ANKS1A: variants seen among roughly 807,000 people sequenced by gnomAD.
The protein encoded by ANKS1A is ankyrin repeat and SAM domain-containing protein 1A.
A neutral mutation model predicts 120.3 loss-of-function variants in ANKS1A; 55 were observed. The observed-to-expected ratio is 0.46, with a 90% CI of 0.37 to 0.57. The LOEUF is 0.57. ANKS1A is among the 20% of genes least tolerant of loss of function. The pLI, the probability that ANKS1A is intolerant of heterozygous loss-of-function variation, is 0.00. For missense variants in ANKS1A, 1,123 were observed against 1,480.3 expected, an observed-to-expected ratio of 0.76 and a Z score of 3.96; for synonymous variants, 590 against 604.7, an observed-to-expected ratio of 0.98 and a Z score of 0.36.
At chr6:35,087,882 T>C (rs1778079411) in intron 23 of ANKS1A, among the ~76,000 whole-genome samples, 1 of 152,214 alleles carries the variant, frequency 6.6e-6, no homozygotes, top group South Asian at 2.1e-4. Flanking sequence ...AGCCCCTCTA[T>C]CTTCGCCATG....
At chr6:34,983,993 A>C (rs886728481) in intron 7 of ANKS1A, among the ~76,000 whole-genome samples, 1 of 151,978 alleles carries the variant, frequency 6.6e-6, no homozygotes, top group African/African-American at 2.4e-5. Flanking sequence ...ACAGGGTTTC[A>C]CCATGTTGGC....
At chr6:34,918,823 A>C (rs752445772) in intron 1 of ANKS1A, among the ~76,000 whole-genome samples, 6 of 152,056 alleles carry the variant, frequency 3.9e-5, no homozygotes, top group Non-Finnish European at 8.8e-5. Context: ...TTACTGTTAC[A>C]TTTTGAGCTT....
chr6:34,944,823 C>A (rs1322236971), intron 1 of ANKS1A, among the ~76,000 whole-genome samples: 7 of 152,114 alleles, frequency 4.6e-5, no homozygotes, highest in African/African-American at 7.2e-5. Context: ...GGATATATAT[C>A]CTTTATCAGA....
chr6:35,027,570 G>A lies in ANKS1A; in HGVS notation c.2010+9511G>A, dbSNP rs114261658. Among the ~76,000 whole-genome samples the A allele has an allele frequency of 7.5e-3, 1,147 of 152,248 alleles. 8 individuals carry two copies. The highest frequency in any genetic ancestry group is 0.02 in the African/African-American group (841 of 41,528). ...GTGGCAGCCAGATGGTGGGGGATAG[G>A]CTTTTTATTATGTAAGACTCTGAGA... On this transcript the variant is annotated intron_variant, in intron 11 of 23. Transcript: ENST00000360359.
downstream of ANKS1A, among the ~76,000 whole-genome samples, chr6:35,094,689 A>C (rs1316351522): frequency 6.6e-6 from 1 of 152,198 alleles, no homozygotes; most frequent in Non-Finnish European, 1.5e-5. Flanking sequence ...GAAAGGAAAG[A>C]ATGCACCATA....
intron 1 of ANKS1A, among the ~76,000 whole-genome samples, chr6:34,940,655 A>G (rs571573868): frequency 1.3e-5 from 2 of 152,292 alleles, no homozygotes; most frequent in South Asian, 4.1e-4. Context: ...TCACACTTAT[A>G]ATCCCAGCAC....
rs976526220 is a variant in ANKS1A at position 35,058,531 on chromosome 6, G to T, written c.2078-1616G>T. 2.0e-5 allele frequency: 3 copies of T among 152,352 alleles called. No homozygotes were observed. The highest frequency in any genetic ancestry group is 7.2e-5 in the African/African-American group (3 of 41,466). The allele number at this position is 152,352 out of a possible 1,614,324, so 9.4% of individuals were successfully genotyped here. A position where few individuals can be genotyped will look rare whatever the true frequency, so the allele number is the denominator to read the frequency against. On this transcript the variant is annotated intron_variant, in intron 12 of 23. Coordinates refer to ENST00000360359, the MANE Select transcript of ANKS1A (RefSeq NM_015245.3). The surrounding 1 kb of genome is among the most constrained non-coding windows in gnomAD (Gnocchi z 5.1). ...TCCCTGACCATCATCTGTTCTGCAG[G>T]AGACAGAGGAGAGGGAGTGGAGGCT...
chr6:34,953,020 A>G (rs1240392195), intron 1 of ANKS1A, among the ~76,000 whole-genome samples: 1 of 152,200 alleles, frequency 6.6e-6, no homozygotes, highest in Non-Finnish European at 1.5e-5. Flanking sequence ...CTAAGTTCTT[A>G]TAAGTAGTTT....
chr6:34,944,192 G>A (rs1029684898), intron 1 of ANKS1A, among the ~76,000 whole-genome samples: 2 of 152,070 alleles, frequency 1.3e-5, no homozygotes, highest in Non-Finnish European at 2.9e-5. Flanking sequence ...GCAGGAGAAT[G>A]GCGTAAACCT....
intron 1 of ANKS1A, among the ~76,000 whole-genome samples, chr6:34,942,508 C>G (rs997159168): frequency 1.3e-5 from 2 of 152,210 alleles, no homozygotes; most frequent in African/African-American, 4.8e-5. Context: ...TGATCACTAA[C>G]AGTTTCTTTG....
chr6:34,978,889 A>AGTTTTTTTGTTTGTTT (rs1771752325), intron 3 of ANKS1A, among the ~76,000 whole-genome samples: 1 of 148,880 alleles, frequency 6.7e-6, no homozygotes, highest in East Asian at 2.0e-4. Context: ...ACCTCCTACT[A>AGTTTTTTTGTTTGTTT]GTTTTTTTGT....
intron 2 of ANKS1A, among the ~76,000 whole-genome samples, chr6:34,967,564 G>A (rs1004733005): frequency 6.6e-6 from 1 of 151,714 alleles, no homozygotes; most frequent in East Asian, 1.9e-4. Flanking sequence ...ATCAGGCGTG[G>A]TAGCATGCCT....
intron 11 of ANKS1A, among the ~76,000 whole-genome samples, chr6:35,029,998 AG>A (rs1277956054): frequency 9.2e-5 from 14 of 152,224 alleles, no homozygotes; most frequent in African/African-American, 2.9e-4. Flanking sequence ...AATTTGATCT[AG>A]CCCACTATTT....
At chr6:34,900,484 T>A (rs1767294798) in intron 1 of ANKS1A, among the ~76,000 whole-genome samples, 2 of 152,006 alleles carry the variant, frequency 1.3e-5, no homozygotes, top group Admixed American at 6.6e-5. Flanking sequence ...AGAGATGGGG[T>A]CTCACTATGT....
intron 1 of ANKS1A, among the ~76,000 whole-genome samples, chr6:34,904,075 G>A (rs1222221450): frequency 6.6e-6 from 1 of 152,120 alleles, no homozygotes; most frequent in East Asian, 1.9e-4. Flanking sequence ...GTCTCCATGG[G>A]GGATTGATTC....
At chr6:34,987,575 A>G (rs894530100) in intron 8 of ANKS1A, among the ~76,000 whole-genome samples, 6 of 152,212 alleles carry the variant, frequency 3.9e-5, no homozygotes, top group Non-Finnish European at 8.8e-5. Flanking sequence ...GACATCTGAT[A>G]TAAATAGCTT....
At chr6:34,966,677 C>G (rs966561793) in intron 1 of ANKS1A, among the ~76,000 whole-genome samples, 1 of 152,192 alleles carries the variant, frequency 6.6e-6, no homozygotes, top group African/African-American at 2.4e-5. Flanking sequence ...TTCAGCTTCC[C>G]TCCTATGGTA....
Position 35,002,889 on chromosome 6 carries a change from G to T in ANKS1A, c.1423+8467G>T, listed in dbSNP as rs368792212. The stretch of plus-strand genomic sequence containing the variant: ...ACAGTTACGTGGTGGAGTTCAAACC[G>T]CACAGATAAAAATCCATTCAGTAAA... On this transcript the variant is annotated intron_variant, in intron 10 of 23. Transcript: ENST00000360359. 9.3e-5 allele frequency among the ~76,000 whole-genome samples: 14 copies of T among 150,724 alleles called. No homozygotes were observed. In the East Asian group the frequency reaches 2.5e-3, roughly 27 times the overall value.
At chr6:35,040,258 C>T (rs1775390327) in intron 11 of ANKS1A, among the ~76,000 whole-genome samples, 1 of 152,254 alleles carries the variant, frequency 6.6e-6, no homozygotes, top group South Asian at 2.1e-4. Flanking sequence ...CTTGGTTAAA[C>T]TATTTAGCCC....
Sources: gnomAD v4.1 joint callset for allele counts (sites outside exome capture counted in the v4.1 genomes callset) on GRCh38, gnomAD v4.1.1 for gene constraint, Gnocchi (gnomAD v3.1) non-coding constraint, MANE v1.5 for transcripts, NCBI Gene and HGNC (gene_info 2026-07-23, HGNC 2026-07-21) for gene names.